Variants in PCDHA2 observed in about 807,000 individuals in gnomAD.
The protein encoded by PCDHA2 is protocadherin alpha-2.
A neutral mutation model predicts 66.0 loss-of-function variants in PCDHA2; 58 were observed. That is an observed-to-expected ratio of 0.88 (90% CI 0.71 to 1.09). The LOEUF is 1.09. Among genes scored for constraint, PCDHA2 ranks in the 50% least tolerant of loss-of-function variants. The probability of loss-of-function intolerance (pLI) is 0.00; values close to 1 mark genes in which losing one functional copy is unlikely to be tolerated. For missense variants in PCDHA2, 1,267 were observed against 1,242.3 expected, an observed-to-expected ratio of 1.02 and a Z score of -0.30; for synonymous variants, 634 against 554.0, an observed-to-expected ratio of 1.14 and a Z score of -2.03.
intron 1 of PCDHA2, chr5:140,808,078 A>G (rs1764093032): frequency 6.2e-7 from 1 of 1,614,080 alleles, no homozygotes; most frequent in Non-Finnish European, 8.5e-7. Context: ...ACATAGATCC[A>G]ATTACTGGAC....
intron 1 of PCDHA2, among the ~76,000 whole-genome samples, chr5:140,826,646 A>G (rs1769000143): frequency 6.6e-6 from 1 of 152,182 alleles, no homozygotes; most frequent in Non-Finnish European, 1.5e-5. Flanking sequence ...ATATGAAGGT[A>G]ACATTTTTGC....
intron 1 of PCDHA2, chr5:140,849,292 C>T (rs1472038377): frequency 1.5e-5 from 18 of 1,231,626 alleles, no homozygotes; most frequent in African/African-American, 1.8e-5. Flanking sequence ...CACCCCAATG[C>T]CTCAGATTTA....
At chr5:140,906,872 C>T (rs1421521976) in intron 1 of PCDHA2, among the ~76,000 whole-genome samples, 4 of 152,230 alleles carry the variant, frequency 2.6e-5, no homozygotes, top group African/African-American at 9.6e-5. Flanking sequence ...CCAGCCAACA[C>T]TGTAACTTCC....
intron 1 of PCDHA2, chr5:140,824,242 G>A: frequency 1.3e-6 from 2 of 1,484,524 alleles, no homozygotes; most frequent in East Asian, 2.3e-5. Flanking sequence ...AAATATTGTG[G>A]TACACAATTA....
chr5:140,844,707 T>C lies in PCDHA2; in HGVS notation c.2388+47355T>C, dbSNP rs2150373340. Among the ~76,000 whole-genome samples, 21 of 149,764 alleles carry C rather than the reference T, an allele frequency of 1.4e-4. 3 individuals carry two copies. The highest frequency in any genetic ancestry group is 3.0e-4 in the Non-Finnish European group (20 of 66,878). ...TTATACAGAATATTTGGGATTATCA[T>C]GGCCCATTAGTTCGTGTAAAAATAT... On this transcript the variant is annotated intron_variant, in intron 1 of 3. Transcript: ENST00000526136.
chr5:140,808,817 C>T, intron 1 of PCDHA2: 3 of 1,612,850 alleles, frequency 1.9e-6, no homozygotes, highest in Non-Finnish European at 1.7e-6. Context: ...CGGCGTGCCA[C>T]CTCTGGGCAG....
chr5:140,973,493 C>T (rs1050229284), intron 1 of PCDHA2, among the ~76,000 whole-genome samples: 1 of 152,116 alleles, frequency 6.6e-6, no homozygotes, highest in African/African-American at 2.4e-5. Context: ...TCACAGGACT[C>T]TTCTTCTGAG....
rs2150328555 is a variant in PCDHA2 at position 140,842,062 on chromosome 5, C to T, written c.2388+44710C>T. ...CTCCCACTTTCGAACAGTCTGAATA[C>T]GAAGTAAGAATATTCGAAAACGCAG... On this transcript the variant is annotated intron_variant, in intron 1 of 3. Coordinates refer to ENST00000526136, the MANE Select transcript of PCDHA2 (RefSeq NM_018905.3). 5 of 1,613,774 alleles carry T rather than the reference C, an allele frequency of 3.1e-6. No individual in the cohort carries two copies. The African/African-American group carries it at 6.7e-5, about 22-fold the overall frequency.
intron 1 of PCDHA2, among the ~76,000 whole-genome samples, chr5:140,874,875 C>T (rs1198638735): frequency 2.6e-5 from 4 of 152,134 alleles, no homozygotes; most frequent in African/African-American, 9.7e-5. Flanking sequence ...TTGTTAAATA[C>T]AAATTCCTAA....
At chr5:140,853,125 C>T (rs2150528645) in intron 1 of PCDHA2, 31 of 553,956 alleles carry the variant, frequency 5.6e-5, no homozygotes, top group South Asian at 1.5e-4. Context: ...ATGATCCTCC[C>T]GCCTCAGCCT....
chr5:140,822,199 TTA>T (rs2150114512), intron 1 of PCDHA2: 6 of 1,614,136 alleles, frequency 3.7e-6, no homozygotes, highest in Non-Finnish European at 5.1e-6. Flanking sequence ...ATTATTCATT[TTA>T]GAGTCAAGAA....
rs782431271 is a variant in PCDHA2 at position 140,797,087 on chromosome 5, C to G, written c.2123C>G (p.Ser708Cys). The part of the protein sequence containing the change: ...VYLIIAICAV[S>C]SLLVLTVLLY... ...CTGATCATCGCCATCTGCGCGGTAT[C>G]CAGCCTGTTGGTGCTCACGGTGCTG... Residue 708 changes from serine to cysteine, a missense_variant, in exon 1 of 4, where the codon TCC becomes TGC. By Grantham distance (112) the Ser-to-Cys change is moderately radical. Transcript: ENST00000526136. 3.7e-6 allele frequency: 6 copies of G among 1,613,980 alleles called. No individual in the cohort carries two copies. Among genetic ancestry groups the G allele is most frequent in the Admixed American group, 1.7e-5 (1 of 60,034 alleles).
Position 140,837,615 on chromosome 5 carries a change from CCCTTCCTT to C in PCDHA2, c.2388+40276_2388+40283del, listed in dbSNP as rs528339826. On this transcript the variant is annotated intron_variant, in intron 1 of 3. Transcript: ENST00000526136. ...CCAATATATATATTTTATAATTTGCCCCTTCCTTCCTTCCTTCCTTTCTTTCTTTCTTT... is the reference window on the plus strand; with the variant it reads ...CCAATATATATATTTTATAATTTGCCCCTTCCTTCCTTTCTTTCTTTCTTT... 5.5e-5 allele frequency among the ~76,000 whole-genome samples: 8 copies of C among 145,806 alleles called. 2 individuals are homozygous for C. The highest frequency in any genetic ancestry group is 1.2e-4 in the Non-Finnish European group (8 of 66,858).
chr5:140,996,341 C>T (rs1554255109), intron 3 of PCDHA2, among the ~76,000 whole-genome samples: 2 of 152,160 alleles, frequency 1.3e-5, no homozygotes, highest in African/African-American at 4.8e-5. Context: ...AGTTTGAAAA[C>T]CCAACCAAAG....
chr5:140,796,486 G>T lies in PCDHA2; in HGVS notation c.1522G>T (p.Val508Phe), dbSNP rs549460778. 1.1e-5 allele frequency: 18 copies of T among 1,612,322 alleles called. No individual in the cohort carries two copies. The highest frequency in any genetic ancestry group is 5.5e-5 in the South Asian group (5 of 91,010). ...RVGERALSSYVSVHAESGKVY... is the reference protein window; with the variant it reads ...RVGERALSSYFSVHAESGKVY... Reference sequence around the variant, plus strand: ...GGGCGAGCGCGCGTTGTCGAGCTACGTTTCGGTGCACGCGGAGAGCGGCAA... The same window carrying T: ...GGGCGAGCGCGCGTTGTCGAGCTACTTTTCGGTGCACGCGGAGAGCGGCAA... Residue 508 changes from valine to phenylalanine, a missense_variant, in exon 1 of 4, where the codon GTT becomes TTT. Physicochemically the swap from Val to Phe is conservative, Grantham distance 50 (BLOSUM62 -1). Coordinates refer to ENST00000526136, the MANE Select transcript of PCDHA2 (RefSeq NM_018905.3).
Position 140,967,255 on chromosome 5 carries a change from T to C in PCDHA2, c.2389-11694T>C, listed in dbSNP as rs202164321. ...TTCAGGTAAGCGAATCGGTGGCGCC[T>C]GGAGCGCGCTTTCACATAGAGAGTG... On this transcript the variant is annotated intron_variant, in intron 1 of 3. Coordinates refer to ENST00000526136, the MANE Select transcript of PCDHA2 (RefSeq NM_018905.3). The C allele has an allele frequency of 1.8e-4, 297 of 1,613,460 alleles. 1 individual carries two copies. The East Asian group carries it at 6.5e-3, about 35-fold the overall frequency.
intron 1 of PCDHA2, among the ~76,000 whole-genome samples, chr5:140,798,166 C>T (rs1192434631): frequency 2.0e-5 from 3 of 152,148 alleles, no homozygotes; most frequent in Non-Finnish European, 4.4e-5. Context: ...GCCACTGCAC[C>T]TGGTCTTTTT....
chr5:140,971,032 G>A (rs540815935), intron 1 of PCDHA2, among the ~76,000 whole-genome samples: 4 of 152,302 alleles, frequency 2.6e-5, no homozygotes, highest in African/African-American at 7.2e-5. Context: ...GCATTTGAAA[G>A]CACGTAAAAG....
chr5:140,928,000 G>C, intron 1 of PCDHA2: 1 of 1,614,166 alleles, frequency 6.2e-7, no homozygotes. Flanking sequence ...TGAAGACCTC[G>C]ATTCTAATGG....
Sources: gnomAD v4.1 joint callset for allele counts (sites outside exome capture counted in the v4.1 genomes callset) on GRCh38, gnomAD v4.1.1 for gene constraint, MANE v1.5 for transcripts, NCBI Gene and HGNC (gene_info 2026-07-23, HGNC 2026-07-21) for gene names.